Variants in XKRX observed in about 807,000 individuals in gnomAD.
XKRX encodes XK-related protein 2.
Under a neutral mutation model 22.4 loss-of-function variants are expected in XKRX, and 11 were observed. The ratio of observed to expected loss-of-function variants is 0.49; its 90% CI spans 0.31 to 0.81. The LOEUF is 0.81. Ranked by LOEUF, XKRX falls within the 40% of genes least tolerant of loss-of-function variation. The pLI is 0.05. For synonymous variants in XKRX, 114 were observed against 132.2 expected (o/e 0.86, Z 0.94); for missense variants, 320 against 336.5 (o/e 0.95, Z 0.38).
chrX:100,907,240 G>C, the XKRX span, among the ~76,000 whole-genome samples: 1 of 111,330 alleles, frequency 9.0e-6, no homozygotes, highest in East Asian at 2.8e-4. Flanking sequence ...GTGTCACCCA[G>C]TCTGGGGTGC....
At chrX:100,900,852 C>T in the XKRX span, among the ~76,000 whole-genome samples, 4 of 101,595 alleles carry the variant, frequency 3.9e-5, no homozygotes, top group Non-Finnish European at 8.0e-5. Context: ...TGCAGTGTCA[C>T]GATCTCGGCT....
At chrX:100,940,275 A>G in the XKRX span, among the ~76,000 whole-genome samples, 1 of 111,742 alleles carries the variant, frequency 8.9e-6, no homozygotes, top group Non-Finnish European at 1.9e-5. Flanking sequence ...AGTTATGAAA[A>G]CTTGTCTAAG....
chrX:100,893,405 G>C, the XKRX span, among the ~76,000 whole-genome samples: 3,230 of 111,794 alleles, frequency 0.029, 111 homozygotes, highest in African/African-American at 0.1. Context: ...ACAGTATGGA[G>C]ATATCTCCAA....
chrX:100,914,376 G>A lies in XKRX; in HGVS notation c.1312C>T (p.Pro438Ser), dbSNP rs1254877233. The A allele has an allele frequency of 8.3e-7, 1 of 1,209,959 alleles. No homozygotes were observed. Among genetic ancestry groups the A allele is most frequent in the East Asian group, 3.0e-5 (1 of 33,775 alleles). Reference protein sequence around the residue: ...HPRTRVENSEPPFETEARQSV... With the variant: ...HPRTRVENSESPFETEARQSV... ...TGCCTTGCTTCAGTCTCAAAGGGTG[G>A]CTCTGAGTTCTCAACCCTGGTCCGA... is the stretch of plus-strand genomic sequence containing the variant. Residue 438 changes from proline to serine, a missense_variant, in exon 3 of 3, where the codon CCA (proline) becomes TCA (serine). Physicochemically the swap from Pro to Ser is moderately conservative, Grantham distance 74. Coordinates refer to ENST00000372956, the MANE Select transcript of XKRX (RefSeq NM_212559.3).
intron 2 of XKRX, among the ~76,000 whole-genome samples, chrX:100,921,995 G>A (rs973259103): frequency 1.8e-5 from 2 of 108,270 alleles, no homozygotes; most frequent in Admixed American, 1.0e-4. Flanking sequence ...CACCACGCCC[G>A]GCTAATTTTT....
At chrX:100,890,603 T>C in the XKRX span, among the ~76,000 whole-genome samples, 1 of 110,200 alleles carries the variant, frequency 9.1e-6, no homozygotes, top group Non-Finnish European at 1.9e-5. Flanking sequence ...AGGAAAATCT[T>C]CTATTACGTG....
intron 1 of XKRX, among the ~76,000 whole-genome samples, chrX:100,923,780 A>G (rs903938154): frequency 1.8e-5 from 2 of 110,617 alleles, no homozygotes; most frequent in African/African-American, 6.6e-5. Context: ...TTCCTCCCTC[A>G]AAGCATTCAG....
chrX:100,945,806 CAAAAAAA>C, the XKRX span, among the ~76,000 whole-genome samples: 4 of 31,844 alleles, frequency 1.3e-4, no homozygotes, highest in South Asian at 2.9e-3. Flanking sequence ...ATTCTGTCTC[CAAAAAAA>C]AAAAAAAAAA....
the XKRX span, among the ~76,000 whole-genome samples, chrX:100,951,223 A>G: frequency 1.4e-5 from 1 of 71,867 alleles, no homozygotes. Flanking sequence ...GACAAGAGCG[A>G]GGCTCCATCG....
Position 100,923,164 on chromosome X carries a change from A to C in XKRX, c.336-103T>G, listed in dbSNP as rs144991537. Reference sequence around the variant, plus strand: ...TGGGGAGGTTGTGCTACTTTATTTTATTTTTGAGACAAGGTCTTACTCCAT... The same window carrying C: ...TGGGGAGGTTGTGCTACTTTATTTTCTTTTTGAGACAAGGTCTTACTCCAT... On this transcript the variant is annotated intron_variant, in intron 1 of 2. Transcript: ENST00000372956. 2.8e-4 allele frequency: 277 copies of C among 1,001,833 alleles called. 1 individual carries two copies. The African/African-American group carries it at 4.8e-3, about 18-fold the overall frequency. 82.6% of individuals were successfully genotyped at this position (1,001,833 alleles called of 1,213,427 possible).
At chrX:100,911,954 A>T (rs1012051932), downstream of XKRX, among the ~76,000 whole-genome samples, 24 of 111,442 alleles carry the variant, frequency 2.2e-4, no homozygotes, top group Admixed American at 1.5e-3. Context: ...CAGAAGGAAA[A>T]TTTTGCCTGG....
the XKRX span, chrX:100,888,313 T>C: frequency 1.4e-6 from 1 of 696,230 alleles, no homozygotes; most frequent in Admixed American, 2.2e-5. Context: ...TTTGATAATC[T>C]TCTCTTGAGA....
chrX:100,906,790 A>G, the XKRX span, among the ~76,000 whole-genome samples: 1 of 111,575 alleles, frequency 9.0e-6, no homozygotes, highest in African/African-American at 3.3e-5. Context: ...TGGAGGTTCT[A>G]TGAGAGAATA....
At chrX:100,905,216 G>A in the XKRX span, among the ~76,000 whole-genome samples, 2 of 111,962 alleles carry the variant, frequency 1.8e-5, no homozygotes, top group East Asian at 5.6e-4. Flanking sequence ...ATGAAAAAGA[G>A]AGACAGAATC....
the XKRX span, among the ~76,000 whole-genome samples, chrX:100,901,394 G>A: frequency 9.0e-6 from 1 of 111,450 alleles, no homozygotes; most frequent in African/African-American, 3.3e-5. Context: ...TTGAACAAAA[G>A]AGGCATTACA....
chrX:100,931,759 A>G (rs2085522517), upstream of XKRX, among the ~76,000 whole-genome samples: 1 of 110,033 alleles, frequency 9.1e-6, no homozygotes, highest in Admixed American at 9.7e-5. Flanking sequence ...CCTCCCCCAT[A>G]CTTCCTCCTT....
upstream of XKRX, among the ~76,000 whole-genome samples, chrX:100,931,210 C>T (rs1048176915): frequency 9.2e-6 from 1 of 109,277 alleles, no homozygotes; most frequent in Non-Finnish European, 1.9e-5. Context: ...AGAATCCCAA[C>T]GTTTACCTTT....
At chrX:100,930,393 T>C (rs2085517703), upstream of XKRX, among the ~76,000 whole-genome samples, 1 of 110,084 alleles carries the variant, frequency 9.1e-6, no homozygotes. Context: ...AACAAATCTA[T>C]GTGAGGAGTG....
the XKRX span, among the ~76,000 whole-genome samples, chrX:100,956,319 A>C: frequency 9.0e-6 from 1 of 111,628 alleles, no homozygotes; most frequent in Admixed American, 9.6e-5. Context: ...TACCTATATA[A>C]CAAACCTGCA....
Sources: gnomAD v4.1 joint callset for allele counts (sites outside exome capture counted in the v4.1 genomes callset) on GRCh38, gnomAD v4.1.1 for gene constraint, MANE v1.5 for transcripts, NCBI Gene and HGNC (gene_info 2026-07-23, HGNC 2026-07-21) for gene names.